Variants in ZNF250 observed in about 807,000 individuals in gnomAD.
The protein encoded by ZNF250 is zinc finger protein (clone 647).
ZNF250 carries 13 observed loss-of-function variants against 37.1 expected under a neutral mutation model. The observed-to-expected ratio is 0.35, with a 90% CI of 0.23 to 0.56. The LOEUF (loss-of-function observed/expected upper bound fraction) is 0.56, where lower values mean the gene tolerates loss of function less well. ZNF250 is among the 20% of genes least tolerant of loss of function. The probability of loss-of-function intolerance (pLI) is 0.87; values close to 1 mark genes in which losing one functional copy is unlikely to be tolerated. For synonymous variants in ZNF250, 251 were observed against 265.6 expected, an observed-to-expected ratio of 0.94 and a Z score of 0.54; for missense variants, 474 against 697.9, an observed-to-expected ratio of 0.68 and a Z score of 3.61.
rs1187471145 is a variant in ZNF250, at chr8:144,880,040, TG to T, written c.*1474del. ...GAGATTGTGCCATTGCACTTCAGCC[TG>T]GGGAACAAGAGCAAGACTTTGTCTC... On this transcript the variant is annotated 3_prime_UTR_variant, in exon 6 of 6. Coordinates refer to ENST00000417550, the MANE Select transcript of ZNF250 (RefSeq NM_001109689.4). The T allele has an allele frequency of 2.6e-5, 4 of 153,430 alleles. No individual in the cohort carries two copies. Among genetic ancestry groups the T allele is most frequent in the Middle Eastern group, 3.4e-3 (1 of 292 alleles). The allele number at this position is 153,430 out of a possible 1,614,324, so 9.5% of individuals were successfully genotyped here.
chr8:144,882,024 C>T lies in ZNF250; in HGVS notation c.1159G>A (p.Glu387Lys). The T allele has an allele frequency of 3.7e-6, 6 of 1,614,164 alleles. No homozygotes were observed. Among genetic ancestry groups the T allele is most frequent in the Non-Finnish European group, 5.1e-6 (6 of 1,180,022 alleles). The change falls in exon 6 of 6, where the codon GAG becomes AAG. Residue 387 changes from glutamate to lysine, a missense_variant. Glu to Lys is a moderately conservative substitution (Grantham distance 56, BLOSUM62 1). Around this residue, in one of 2 missense-constraint regions of ZNF250, gnomAD observed 282 missense variants for 470.4 expected, o/e 0.60. Transcript: ENST00000417550. This position sits in a 1 kb window ranked among gnomAD's most constrained non-coding sequence, Gnocchi z 5.5. ...CACTCACTGCACTCATAGGGCTTCT[C>T]CCCGGTGTGCACGTTGTGGTGCTGA... is the stretch of plus-strand genomic sequence containing the variant. ...LIQHHNVHTG[E>K]KPYECSECGK...
At chr8:144,900,760 AC>A (rs1833044943) in intron 1 of ZNF250, among the ~76,000 whole-genome samples, 1 of 152,204 alleles carries the variant, frequency 6.6e-6, no homozygotes, top group Non-Finnish European at 1.5e-5. Flanking sequence ...TTTCGTCTTG[AC>A]GCGGGAAGAC....
intron 1 of ZNF250, among the ~76,000 whole-genome samples, chr8:144,893,388 T>C (rs1298921826): frequency 6.6e-6 from 1 of 152,152 alleles, no homozygotes; most frequent in Non-Finnish European, 1.5e-5. Flanking sequence ...TGGAGTGCAG[T>C]GGCATGATCT....
Position 144,881,377 on chromosome 8 carries a change from T to C in ZNF250, c.*138A>G. On this transcript the variant is annotated 3_prime_UTR_variant, in exon 6 of 6. Coordinates refer to ENST00000417550, the MANE Select transcript of ZNF250 (RefSeq NM_001109689.4). ...ACAGGAACAGCACGCTAAGTGCTTC[T>C]TTCTGGAGTTATTTTGTGACACTGA... 1 of 1,331,050 alleles carries C rather than the reference T, an allele frequency of 7.5e-7. No individual in the cohort carries two copies. Among genetic ancestry groups the C allele is most frequent in the Non-Finnish European group, 1.0e-6 (1 of 1,003,414 alleles). The allele number at this position is 1,331,050 out of a possible 1,614,324, so 82.5% of individuals were successfully genotyped here.
Position 144,892,119 on chromosome 8 carries a change from T to C in ZNF250, c.-54-1716A>G, listed in dbSNP as rs564067345. On this transcript the variant is annotated intron_variant, in intron 1 of 5. Coordinates refer to ENST00000417550, the MANE Select transcript of ZNF250 (RefSeq NM_001109689.4). ...TGAAGAACAGGACAGGGAAACACAG[T>C]TGGAGAGAGACTGACTTTCAACCCT... 1.6e-3 allele frequency among the ~76,000 whole-genome samples: 250 copies of C among 152,224 alleles called. 1 individual carries two copies. The highest frequency in any genetic ancestry group is 6.8e-4 in the Non-Finnish European group (46 of 68,006).
At chr8:144,901,904 C>T (rs1487242683), upstream of ZNF250, 5 of 152,350 alleles carry the variant, frequency 3.3e-5, no homozygotes, top group Admixed American at 3.3e-4. The surrounding 1 kb of genome is among the most constrained non-coding windows in gnomAD (Gnocchi z 5.4). Flanking sequence ...GCGGTTCCCG[C>T]TGCTGGGAAC....
rs1012377948 is a variant in ZNF250 at position 144,901,078 on chromosome 8, G to A, written c.-55+321C>T. ...ATCTGAGGAGATCCAAGGTGGGAGG[G>A]ACGCCGGTCTGACGGGGCCCAAGGG... is the stretch of plus-strand genomic sequence containing the variant. On this transcript the variant is annotated intron_variant, in intron 1 of 5. Transcript: ENST00000417550. The surrounding 1 kb of genome is among the most constrained non-coding windows in gnomAD (Gnocchi z 5.4). 2.0e-4 allele frequency among the ~76,000 whole-genome samples: 31 copies of A among 151,878 alleles called. No individual in the cohort carries two copies. The highest frequency in any genetic ancestry group is 3.1e-4 in the Non-Finnish European group (21 of 67,926).
rs905198297 is a variant in ZNF250, at chr8:144,897,620, G to GAC, written c.-55+3777_-55+3778dup. On this transcript the variant is annotated intron_variant, in intron 1 of 5. Transcript: ENST00000417550. The surrounding 1 kb of genome is among the most constrained non-coding windows in gnomAD (Gnocchi z 5.2). The stretch of plus-strand genomic sequence containing the variant: ...ACCCAGCGGCGCTAGAGGAATTAAA[G>GAC]ACACACACACAGAAATATAGAGGTG... Among the ~76,000 whole-genome samples, 1 of 152,056 alleles carries GAC rather than the reference G, an allele frequency of 6.6e-6. No homozygotes were observed. Among genetic ancestry groups the GAC allele is most frequent in the Non-Finnish European group, 1.5e-5 (1 of 68,014 alleles).
chr8:144,899,304 A>C (rs1832947162), intron 1 of ZNF250, among the ~76,000 whole-genome samples: 1 of 152,204 alleles, frequency 6.6e-6, no homozygotes, highest in Admixed American at 6.5e-5. Flanking sequence ...ATAATGAATA[A>C]GTTCCAGTGT....
At position 144,891,000 on chromosome 8, in the gene ZNF250, A is replaced by G. The variant is rs1040468005; in HGVS notation, c.-54-597T>C. Among the ~76,000 whole-genome samples the G allele has an allele frequency of 1.3e-5, 2 of 152,144 alleles. No individual in the cohort carries two copies. Among genetic ancestry groups the G allele is most frequent in the African/African-American group, 2.4e-5 (1 of 41,432 alleles). On this transcript the variant is annotated intron_variant, in intron 1 of 5. Transcript: ENST00000417550. This position sits in a 1 kb window ranked among gnomAD's most constrained non-coding sequence, Gnocchi z 5.1. ...AAACTGAGTCAACAGTGGCCTAGGG[A>G]TCTGGTCTGAGCAGCTGAAGGAAGA...
At chr8:144,885,478 T>C (rs1831807381) in intron 5 of ZNF250, among the ~76,000 whole-genome samples, 2 of 152,080 alleles carry the variant, frequency 1.3e-5, no homozygotes, top group African/African-American at 2.4e-5. Flanking sequence ...TGTGGGTTTT[T>C]TTTTGAGACA....
chr8:144,892,991 C>T (rs1832454392), intron 1 of ZNF250, among the ~76,000 whole-genome samples: 1 of 151,922 alleles, frequency 6.6e-6, no homozygotes, highest in Admixed American at 6.6e-5. Context: ...TCCCGAGTAG[C>T]TGGGATTACA....
At position 144,897,562 on chromosome 8, in the gene ZNF250, G is replaced by A. The variant is rs1832802516; in HGVS notation, c.-55+3837C>T. 6.6e-6 allele frequency among the ~76,000 whole-genome samples: 1 copy of A among 152,184 alleles called. No individual in the cohort carries two copies. Among genetic ancestry groups the A allele is most frequent in the Non-Finnish European group, 1.5e-5 (1 of 68,042 alleles). ...AAGGTGGGTGGATCACCTGAGGTCA[G>A]GTGCTGAGACCAGCTCGGTCGGGGA... On this transcript the variant is annotated intron_variant, in intron 1 of 5. Coordinates refer to ENST00000417550, the MANE Select transcript of ZNF250 (RefSeq NM_001109689.4). This position sits in a 1 kb window ranked among gnomAD's most constrained non-coding sequence, Gnocchi z 5.2.
chr8:144,902,055 G>A (rs527494854), upstream of ZNF250: 1 of 152,458 alleles, frequency 6.6e-6, no homozygotes, highest in South Asian at 2.1e-4. Flanking sequence ...CTCCCACTTA[G>A]GAGGCTGAGT....
At chr8:144,900,254 C>T (rs147367389) in intron 1 of ZNF250, among the ~76,000 whole-genome samples, 242 of 152,234 alleles carry the variant, frequency 1.6e-3, no homozygotes, top group African/African-American at 5.5e-3. Context: ...TTACCCACTT[C>T]GTAGAGACCA....
At chr8:144,901,694 G>A (rs1228980246), upstream of ZNF250, 1 of 152,078 alleles carries the variant, frequency 6.6e-6, no homozygotes, top group Non-Finnish European at 1.5e-5. The surrounding 1 kb of genome is among the most constrained non-coding windows in gnomAD (Gnocchi z 5.4). Context: ...GGGCCCGGCC[G>A]GCTCCCCGGC....
Position 144,889,875 on chromosome 8 carries a change from A to G in ZNF250, c.169+58T>C, listed in dbSNP as rs538431608. 2.6e-6 allele frequency: 4 copies of G among 1,542,672 alleles called. No individual in the cohort carries two copies. In the South Asian group the frequency reaches 5.0e-5, roughly 19 times the overall value. ...CTGTCCCAGGCCCCGTACCCTGAGA[A>G]GCCCCCACCCCAGTCCAATACGCAG... On this transcript the variant is annotated intron_variant, in intron 3 of 5. Transcript: ENST00000417550.
At chr8:144,886,711 G>T in intron 5 of ZNF250, 129 bp downstream of exon 5, 1 of 733,868 alleles carries the variant, frequency 1.4e-6, no homozygotes, top group Non-Finnish European at 2.2e-6. Flanking sequence ...CCTCCCTGGT[G>T]TTTTGTAGCA....
rs1832772865 is a variant in ZNF250, at chr8:144,897,065, G to A, written c.-55+4334C>T. ...AGGTGATCAAAAGCCACATCGCAGT[G>A]AGACATTCCTATCACTCTTTTTGGA... On this transcript the variant is annotated intron_variant, in intron 1 of 5. Transcript: ENST00000417550. This position sits in a 1 kb window ranked among gnomAD's most constrained non-coding sequence, Gnocchi z 5.2. 6.6e-6 allele frequency among the ~76,000 whole-genome samples: 1 copy of A among 152,254 alleles called. No individual in the cohort carries two copies. Among genetic ancestry groups the A allele is most frequent in the Non-Finnish European group, 1.5e-5 (1 of 68,046 alleles).
Sources: gnomAD v4.1 joint callset for allele counts (sites outside exome capture counted in the v4.1 genomes callset) on GRCh38, gnomAD v4.1.1 for gene constraint, gnomAD v4.1.1 regional missense constraint, Gnocchi (gnomAD v3.1) non-coding constraint, MANE v1.5 for transcripts, NCBI Gene and HGNC (gene_info 2026-07-23, HGNC 2026-07-21) for gene names.